The following RMDN2 variants were observed in gnomAD, a reference collection of about 807,000 sequenced individuals.
The protein encoded by RMDN2 is regulator of microtubule dynamics 2, also known as regulator of microtubule dynamics protein 2.
RMDN2 carries 61 observed loss-of-function variants against 52.8 expected under a neutral mutation model. That is an observed-to-expected ratio of 1.16 (90% CI 0.94 to 1.43). The LOEUF (loss-of-function observed/expected upper bound fraction) is 1.43. RMDN2 is among the 40% of genes most tolerant of loss of function. The pLI is 0.00. For synonymous variants in RMDN2, 180 were observed against 153.1 expected (o/e 1.18, Z -1.30); for missense variants, 592 against 475.3 (o/e 1.25, Z -2.28).
chr2:37,991,859 C>A (rs138653835), intron 7 of RMDN2, among the ~76,000 whole-genome samples: 10 of 152,250 alleles, frequency 6.6e-5, no homozygotes, highest in African/African-American at 2.4e-4. Context: ...GCAGCTGGTC[C>A]GTGTCTTAAA....
intron 5 of RMDN2, among the ~76,000 whole-genome samples, chr2:37,988,424 A>G (rs1416671855): frequency 6.6e-6 from 1 of 152,172 alleles, no homozygotes; most frequent in Non-Finnish European, 1.5e-5. Flanking sequence ...CCTTGCTTTT[A>G]CTATAGCAGA....
At chr2:38,008,855 T>A (rs1329861112) in intron 10 of RMDN2, among the ~76,000 whole-genome samples, 1 of 152,218 alleles carries the variant, frequency 6.6e-6, no homozygotes, top group African/African-American at 2.4e-5. Flanking sequence ...GTTGTTCCTT[T>A]CCATGTTGAG....
At chr2:37,922,762 G>A (rs1173232245), upstream of RMDN2, among the ~76,000 whole-genome samples, 3 of 152,220 alleles carry the variant, frequency 2.0e-5, no homozygotes, top group African/African-American at 7.2e-5. Context: ...TGGGGAAGGA[G>A]AGAGTGTGTA....
chr2:37,997,591 A>C (rs763662680), intron 8 of RMDN2, 77 bp downstream of exon 8: 1 of 968,690 alleles, frequency 1.0e-6, no homozygotes, highest in South Asian at 1.3e-5. Flanking sequence ...TTGTCAAGGA[A>C]ATCTTTTCTC....
At chr2:37,963,722 C>T (rs1480736459) in intron 2 of RMDN2, among the ~76,000 whole-genome samples, 1 of 152,264 alleles carries the variant, frequency 6.6e-6, no homozygotes, top group Non-Finnish European at 1.5e-5. Context: ...CTTCTTTCTA[C>T]ACAGACACAG....
chr2:38,066,586 G>C (rs1226340541), intron 10 of RMDN2, among the ~76,000 whole-genome samples: 1 of 152,136 alleles, frequency 6.6e-6, no homozygotes, highest in African/African-American at 2.4e-5. Context: ...AAAACAGACT[G>C]GCGTTGAGGT....
chr2:37,953,497 C>T (rs192058160), intron 2 of RMDN2, among the ~76,000 whole-genome samples: 31 of 152,162 alleles, frequency 2.0e-4, no homozygotes, highest in Non-Finnish European at 4.1e-4. Flanking sequence ...CAAGCTTCAT[C>T]CATGTTACAG....
chr2:37,929,384 C>A lies in RMDN2; in HGVS notation c.107C>A (p.Ala36Glu). 1 of 1,550,954 alleles carries A rather than the reference C, an allele frequency of 6.4e-7. No individual in the cohort carries two copies. Among genetic ancestry groups the A allele is most frequent in the Non-Finnish European group, 8.7e-7 (1 of 1,146,162 alleles). The change falls in exon 2 of 11, where the codon GCA becomes GAA. Residue 36 changes from alanine to glutamate, a missense_variant. Transcript: ENST00000354545. ...WYHKVRKPGI[A>E]MKLPEFLSLG... ...CACAAGGTCCGTAAACCAGGGATAG[C>A]AATGAAGTTACCTGAATTTCTTTCT...
chr2:37,922,653 C>A (rs1233112100), upstream of RMDN2, among the ~76,000 whole-genome samples: 1 of 152,178 alleles, frequency 6.6e-6, no homozygotes, highest in Non-Finnish European at 1.5e-5. Context: ...TAGTGTACAC[C>A]AGAGAGGTTT....
At chr2:38,022,371 T>C (rs928692000), downstream of RMDN2, among the ~76,000 whole-genome samples, 1 of 152,224 alleles carries the variant, frequency 6.6e-6, no homozygotes, top group Non-Finnish European at 1.5e-5. Flanking sequence ...TCACCACTCA[T>C]GGTGCTTGAC....
intron 2 of RMDN2, among the ~76,000 whole-genome samples, chr2:37,930,723 A>G (rs1007834014): frequency 1.3e-5 from 2 of 152,182 alleles, no homozygotes; most frequent in East Asian, 1.9e-4. Flanking sequence ...ACATTCCCCA[A>G]AGAAGTAGCA....
intron 10 of RMDN2, among the ~76,000 whole-genome samples, chr2:38,042,430 A>AC (rs1438586014): frequency 0.029 from 4,191 of 146,030 alleles, 226 homozygotes; most frequent in African/African-American, 0.1. Flanking sequence ...CACACCACAC[A>AC]CACACACACA....
chr2:38,050,355 A>AT (rs1558588639), intron 10 of RMDN2, among the ~76,000 whole-genome samples: 4 of 151,724 alleles, frequency 2.6e-5, no homozygotes, highest in African/African-American at 9.7e-5. Flanking sequence ...ATTAAAAAAA[A>AT]AAATAAAAAA....
At chr2:37,930,951 G>A (rs765469246) in intron 2 of RMDN2, among the ~76,000 whole-genome samples, 4 of 152,152 alleles carry the variant, frequency 2.6e-5, no homozygotes, top group African/African-American at 4.8e-5. Context: ...GGCAGAGGGC[G>A]GCAGGAGCAG....
intron 2 of RMDN2, among the ~76,000 whole-genome samples, chr2:37,971,274 T>G (rs905030176): frequency 6.6e-6 from 1 of 152,138 alleles, no homozygotes; most frequent in Non-Finnish European, 1.5e-5. Context: ...TGATAGGAAG[T>G]GAGAGTTCCT....
chr2:38,056,041 G>A (rs947219957), intron 10 of RMDN2, among the ~76,000 whole-genome samples: 4 of 152,110 alleles, frequency 2.6e-5, no homozygotes, highest in African/African-American at 7.2e-5. Context: ...AAACACATAC[G>A]TGTGCTCCCC....
chr2:38,017,316 C>T lies in RMDN2; in HGVS notation c.*77C>T. The T allele has an allele frequency of 6.9e-7, 1 of 1,451,574 alleles. No individual in the cohort carries two copies. The highest frequency in any genetic ancestry group is 9.1e-7 in the Non-Finnish European group (1 of 1,097,006). The allele number at this position is 1,451,574 out of a possible 1,614,324, so 89.9% of individuals were successfully genotyped here. A position where few individuals can be genotyped will look rare whatever the true frequency, so the allele number is the denominator to read the frequency against. Reference sequence around the variant, plus strand: ...TGAATCAAAGTTGTGCTTTTATTATCCTTCATTTTTGATGTAAGGGTATTG... The same window carrying T: ...TGAATCAAAGTTGTGCTTTTATTATTCTTCATTTTTGATGTAAGGGTATTG... On this transcript the variant is annotated 3_prime_UTR_variant, in exon 11 of 11. Transcript: ENST00000354545.
chr2:37,924,180 G>T (rs1029727048), upstream of RMDN2, among the ~76,000 whole-genome samples: 3 of 152,206 alleles, frequency 2.0e-5, no homozygotes, highest in Non-Finnish European at 2.9e-5. Flanking sequence ...AGTAGTATAT[G>T]GATTGCAAAA....
At chr2:37,951,192 C>A in intron 2 of RMDN2, 1 of 1,513,626 alleles carries the variant, frequency 6.6e-7, no homozygotes, top group East Asian at 2.3e-5. Flanking sequence ...CCACTCTGCT[C>A]CCTATTTTTT....
Sources: gnomAD v4.1 joint callset for allele counts (sites outside exome capture counted in the v4.1 genomes callset) on GRCh38, gnomAD v4.1.1 for gene constraint, MANE v1.5 for transcripts, NCBI Gene and HGNC (gene_info 2026-07-23, HGNC 2026-07-21) for gene names.